MRPL55: variants seen among roughly 807,000 people sequenced by gnomAD.
MRPL55 encodes the protein large ribosomal subunit protein mL55.
A neutral mutation model predicts 10.6 loss-of-function variants in MRPL55; 7 were observed. The observed-to-expected ratio is 0.66, with a 90% CI of 0.38 to 1.24. The LOEUF is 1.24. MRPL55 is among the 50% of genes most tolerant of loss of function. The probability of loss-of-function intolerance (pLI) is 0.02; values close to 1 mark genes in which losing one functional copy is unlikely to be tolerated. For synonymous variants in MRPL55, 57 were observed against 71.8 expected, an observed-to-expected ratio of 0.79 and a Z score of 1.04; for missense variants, 148 against 180.3, an observed-to-expected ratio of 0.82 and a Z score of 1.03.
At chr1:228,107,592 C>T (rs1283274568) in intron 4 of MRPL55, 76 bp downstream of exon 4, 19 of 1,356,252 alleles carry the variant, frequency 1.4e-5, no homozygotes, top group African/African-American at 4.3e-5. Context: ...CATCCGAAGG[C>T]GACTGGTCAC....
rs1271718732 is a variant in MRPL55 at position 228,106,770 on chromosome 1, G to A, written c.377C>T (p.Thr126Ile). The change falls in exon 5 of 5, where the codon ACC becomes ATC. Residue 126 changes from threonine (T) to isoleucine (I), a missense_variant. Transcript: ENST00000336520. ...VERYRQFWTR[T>I]KK ...TGGCTGGAGCCACGGTCACTTCTTGGTCCTGGTCCAGAACTGTCGGTAGCG... is the reference window on the plus strand; with the variant it reads ...TGGCTGGAGCCACGGTCACTTCTTGATCCTGGTCCAGAACTGTCGGTAGCG... 1.2e-6 allele frequency: 2 copies of A among 1,612,556 alleles called. No homozygotes were observed. Among genetic ancestry groups the A allele is most frequent in the Non-Finnish European group, 1.7e-6 (2 of 1,179,256 alleles).
At chr1:228,107,260 A>G (rs886096112) in intron 4 of MRPL55, among the ~76,000 whole-genome samples, 2 of 151,972 alleles carry the variant, frequency 1.3e-5, no homozygotes, top group African/African-American at 4.8e-5. Context: ...CTCTACAAAA[A>G]TATCTTTCAA....
At chr1:228,108,531 A>G (rs1346275748) in intron 2 of MRPL55, 2 of 510,076 alleles carry the variant, frequency 3.9e-6, no homozygotes, top group Admixed American at 3.7e-5. Flanking sequence ...ATTCTGAGTC[A>G]GCCTGCGGCA....
At chr1:228,108,536 G>A (rs180819388) in intron 2 of MRPL55, 40 of 506,916 alleles carry the variant, frequency 7.9e-5, no homozygotes, top group Admixed American at 1.5e-4. Context: ...GAGTCAGCCT[G>A]CGGCAGGGCC....
chr1:228,107,603 C>A, intron 4 of MRPL55, 65 bp downstream of exon 4: 1 of 1,482,458 alleles, frequency 6.7e-7, no homozygotes, highest in Non-Finnish European at 9.3e-7. Context: ...GACTGGTCAC[C>A]AGCACCCCCA....
chr1:228,108,428 G>T, intron 2 of MRPL55, 110 bp from the exon 3 acceptor site: 1 of 695,066 alleles, frequency 1.4e-6, no homozygotes, highest in Non-Finnish European at 2.4e-6. Flanking sequence ...TAATCACCAC[G>T]CCACTCACCA....
intron 4 of MRPL55, 134 bp downstream of exon 4, chr1:228,107,534 T>C (rs1351579592): frequency 4.9e-6 from 4 of 820,610 alleles, no homozygotes; most frequent in Admixed American, 4.8e-5. Context: ...AACAACCACC[T>C]GCTCCCCTGA....
At chr1:228,107,900 C>G (rs775321014) in intron 3 of MRPL55, 31 bp from the exon 4 acceptor site, 4 of 1,610,938 alleles carry the variant, frequency 2.5e-6, no homozygotes, top group Non-Finnish European at 2.5e-6. Flanking sequence ...TCTGGTCAGC[C>G]GACAGTGCTG....
chr1:228,108,169 G>T, intron 3 of MRPL55, 66 bp downstream of exon 3: 1 of 1,568,522 alleles, frequency 6.4e-7, no homozygotes, highest in Non-Finnish European at 8.7e-7. Flanking sequence ...GTTTCCTGCT[G>T]AAGAGAGGGG....
In MRPL55 at chr1:228,107,879, A is replaced by C; in HGVS notation, c.27-10T>G. ...GCTCTGCCTCAGCCGGCTGCAGATAAATGTTCAAGCTCTGGTCAGCCGACA... is the reference window on the plus strand; with the variant it reads ...GCTCTGCCTCAGCCGGCTGCAGATACATGTTCAAGCTCTGGTCAGCCGACA... On this transcript the variant is annotated splice_polypyrimidine_tract_variant and intron_variant, in intron 3 of 4. Coordinates refer to ENST00000336520, the MANE Select transcript of MRPL55 (RefSeq NM_181463.3). 1 of 1,612,946 alleles carries C rather than the reference A, an allele frequency of 6.2e-7. No homozygotes were observed. The highest frequency in any genetic ancestry group is 8.5e-7 in the Non-Finnish European group (1 of 1,179,918).
At chr1:228,108,362 C>T (rs1051222296) in intron 2 of MRPL55, 44 bp from the exon 3 acceptor site, 2 of 1,276,682 alleles carry the variant, frequency 1.6e-6, no homozygotes, top group Non-Finnish European at 2.2e-6. Context: ...AAGGAAGGTT[C>T]TTCCACCTAA....
intron 4 of MRPL55, among the ~76,000 whole-genome samples, chr1:228,107,437 T>A (rs989471417): frequency 5.3e-5 from 8 of 152,118 alleles, no homozygotes; most frequent in Admixed American, 1.3e-4. Flanking sequence ...AAAATAAATT[T>A]AAAAAATAAA....
chr1:228,107,630 A>G, intron 4 of MRPL55, 38 bp downstream of exon 4: 2 of 1,603,424 alleles, frequency 1.2e-6, no homozygotes, highest in Non-Finnish European at 1.7e-6. Context: ...CCTCGACCCC[A>G]GCCCGGCACC....
chr1:228,106,869 A>G lies in MRPL55; in HGVS notation c.278T>C (p.Leu93Pro). Residue 93 changes from leucine (L) to proline (P), a missense_variant, in exon 5 of 5, where the codon CTG becomes CCG. Physicochemically the swap from Leu to Pro is moderately conservative, Grantham distance 98. Coordinates refer to ENST00000336520, the MANE Select transcript of MRPL55 (RefSeq NM_181463.3). The part of the protein sequence containing the change: ...TLSPEERRAR[L>P]RKREAQLQSR... ...CTGGAGCTGAGCCTCACGCTTCCGC[A>G]GCCTGGCCCGGCGCTCCTCAGGAGA... 2.5e-6 allele frequency: 4 copies of G among 1,613,856 alleles called. No homozygotes were observed. The highest frequency in any genetic ancestry group is 3.4e-6 in the Non-Finnish European group (4 of 1,180,012).
In MRPL55 at chr1:228,106,929, C is replaced by T; in HGVS notation, c.229-11G>A. ...CAGATCTATGGGCATCTGCAGGGGA[C>T]AGACCAAGTTTCGTCCATGTGGATC... On this transcript the variant is annotated splice_polypyrimidine_tract_variant and intron_variant, in intron 4 of 4. Coordinates refer to ENST00000336520, the MANE Select transcript of MRPL55 (RefSeq NM_181463.3). 1 of 1,609,182 alleles carries T rather than the reference C, an allele frequency of 6.2e-7. No homozygotes were observed. Among genetic ancestry groups the T allele is most frequent in the South Asian group, 1.1e-5 (1 of 90,448 alleles).
intron 4 of MRPL55, 147 bp from the exon 5 acceptor site, chr1:228,107,065 A>G: frequency 1.6e-6 from 1 of 614,588 alleles, no homozygotes; most frequent in Non-Finnish European, 2.8e-6. Context: ...TCTCCCTTCA[A>G]AGCTTTCAAT....
chr1:228,107,586 C>T (rs1215772686), intron 4 of MRPL55, 82 bp downstream of exon 4: 9 of 1,292,406 alleles, frequency 7.0e-6, no homozygotes, highest in Non-Finnish European at 9.9e-6. Flanking sequence ...CATGTCCATC[C>T]GAAGGCGACT....
At position 228,106,738 on chromosome 1, in the gene MRPL55, C is replaced by A; in HGVS notation, c.*22G>T. 6 of 1,602,088 alleles carry A rather than the reference C, an allele frequency of 3.7e-6. No homozygotes were observed. The highest frequency in any genetic ancestry group is 5.1e-6 in the Non-Finnish European group (6 of 1,172,366). Reference sequence around the variant, plus strand: ...AACAGCCCTCCCATCTTAGCAATGTCCCGGGGTGGCTGGAGCCACGGTCAC... The same window carrying A: ...AACAGCCCTCCCATCTTAGCAATGTACCGGGGTGGCTGGAGCCACGGTCAC... On this transcript the variant is annotated 3_prime_UTR_variant, in exon 5 of 5. Coordinates refer to ENST00000336520, the MANE Select transcript of MRPL55 (RefSeq NM_181463.3).
At chr1:228,108,481 A>G in intron 2 of MRPL55, 163 bp from the exon 3 acceptor site, 1 of 561,432 alleles carries the variant, frequency 1.8e-6, no homozygotes, top group Non-Finnish European at 3.2e-6. Flanking sequence ...CCGCCTGTAG[A>G]GGTTTTTCCA....
Sources: allele counts gnomAD v4.1 joint callset (sites outside exome capture counted in the v4.1 genomes callset), GRCh38; gene constraint gnomAD v4.1.1; transcripts MANE v1.5; gene names NCBI Gene and HGNC (gene_info 2026-07-23, HGNC 2026-07-21).